DOCK3: variants seen among roughly 807,000 people sequenced by gnomAD.
DOCK3 encodes the protein dedicator of cytokinesis protein 3.
Under a neutral mutation model 265.6 loss-of-function variants are expected in DOCK3, and 60 were observed. The ratio of observed to expected loss-of-function variants is 0.23; its 90% CI spans 0.18 to 0.28. DOCK3 has a LOEUF of 0.28. Among genes scored for constraint, DOCK3 ranks in the 10% least tolerant of loss-of-function variants. DOCK3 has a pLI of 1.00. For missense variants in DOCK3, 1,981 were observed against 2,594.3 expected (o/e 0.76, Z 5.14); for synonymous variants, 881 against 938.0 (o/e 0.94, Z 1.11).
At chr3:50,807,972 A>T (rs2043529463) in intron 2 of DOCK3, among the ~76,000 whole-genome samples, 1 of 152,228 alleles carries the variant, frequency 6.6e-6, no homozygotes, top group Non-Finnish European at 1.5e-5. Flanking sequence ...GCTGGTCTCA[A>T]GCAGTCCTCC....
At chr3:51,363,886 T>C (rs1031118483) in intron 49 of DOCK3, among the ~76,000 whole-genome samples, 1 of 152,242 alleles carries the variant, frequency 6.6e-6, no homozygotes, top group African/African-American at 2.4e-5. Flanking sequence ...CAGTCTGTCA[T>C]TGATGGACAC....
intron 9 of DOCK3, among the ~76,000 whole-genome samples, chr3:51,091,543 C>T (rs551845854): frequency 2.6e-4 from 39 of 152,004 alleles, no homozygotes; most frequent in African/African-American, 8.2e-4. Flanking sequence ...ATTAGCTGGG[C>T]GTGGTGGCGG....
chr3:50,970,891 T>TTATATATATA (rs55749209), intron 5 of DOCK3, among the ~76,000 whole-genome samples: 4 of 12,156 alleles, frequency 3.3e-4, no homozygotes, highest in Non-Finnish European at 5.3e-4. Flanking sequence ...CATCTAATTT[T>TTATATATATA]TATATATATA....
chr3:50,782,880 C>T (rs986939539), intron 2 of DOCK3, among the ~76,000 whole-genome samples: 1 of 151,530 alleles, frequency 6.6e-6, no homozygotes, highest in African/African-American at 2.4e-5. Context: ...TAAGTGAGAA[C>T]ATATGATGTT....
At chr3:50,767,885 T>C (rs2041003173) in intron 1 of DOCK3, among the ~76,000 whole-genome samples, 1 of 135,970 alleles carries the variant, frequency 7.4e-6, no homozygotes, top group African/African-American at 2.8e-5. Context: ...GAAGCAGTTG[T>C]GAATGGGAGT....
intron 5 of DOCK3, among the ~76,000 whole-genome samples, chr3:50,975,927 C>T (rs1302445139): frequency 1.9e-4 from 29 of 149,664 alleles, no homozygotes; most frequent in Admixed American, 1.1e-3. Flanking sequence ...AGTTTATTTG[C>T]GTAGAGGTGT....
intron 5 of DOCK3, among the ~76,000 whole-genome samples, chr3:50,993,120 C>T (rs899805543): frequency 5.3e-5 from 8 of 152,140 alleles, no homozygotes; most frequent in African/African-American, 1.7e-4. Context: ...TCTAGTTCTC[C>T]TATCTCTGGA....
chr3:50,701,268 C>T (rs944957582), intron 1 of DOCK3, among the ~76,000 whole-genome samples: 4 of 151,990 alleles, frequency 2.6e-5, no homozygotes, highest in African/African-American at 9.7e-5. Flanking sequence ...CAGGTCCACG[C>T]CACCACACCC....
intron 5 of DOCK3, among the ~76,000 whole-genome samples, chr3:51,012,062 T>G (rs1315176128): frequency 6.6e-6 from 1 of 152,198 alleles, no homozygotes; most frequent in Non-Finnish European, 1.5e-5. Flanking sequence ...GTTAGGCTAC[T>G]CGGGGGTCAG....
chr3:51,040,920 C>T (rs2080454768), intron 5 of DOCK3, among the ~76,000 whole-genome samples: 1 of 151,664 alleles, frequency 6.6e-6, no homozygotes, highest in Non-Finnish European at 1.5e-5. Context: ...AGTTTTCTTG[C>T]TAATTCTACC....
At position 51,361,731 on chromosome 3, in the gene DOCK3, T is replaced by TTCCCCTTACCCATG; in HGVS notation, c.5007-128_5007-127insTCCCCTTACCCATG. Reference sequence around the variant, plus strand: ...CCAGGCCTCAGATGGGTATGAGCATTGACTATGGAACCCTCCAAACCGGTG... The same window carrying TTCCCCTTACCCATG: ...CCAGGCCTCAGATGGGTATGAGCATTTCCCCTTACCCATGGACTATGGAACCCTCCAAACCGGTG... On this transcript the variant is annotated intron_variant, in intron 47 of 52. Coordinates refer to ENST00000266037, the MANE Select transcript of DOCK3 (RefSeq NM_004947.5). The surrounding 1 kb of genome is among the most constrained non-coding windows in gnomAD (Gnocchi z 4.2). 1 of 1,292,024 alleles carries TTCCCCTTACCCATG rather than the reference T, an allele frequency of 7.7e-7. No individual in the cohort carries two copies. The allele number at this position is 1,292,024 out of a possible 1,614,324, so 80.0% of individuals were successfully genotyped here.
At chr3:50,708,879 G>A (rs1207587035) in intron 1 of DOCK3, among the ~76,000 whole-genome samples, 1 of 152,206 alleles carries the variant, frequency 6.6e-6, no homozygotes, top group African/African-American at 2.4e-5. Context: ...TAGAAGCTCT[G>A]TTTGATGTGT....
chr3:50,767,416 A>G lies in DOCK3; in HGVS notation c.38-11259A>G, dbSNP rs565811997. Among the ~76,000 whole-genome samples, 94 of 152,266 alleles carry G rather than the reference A, an allele frequency of 6.2e-4. 1 individual carries two copies. The highest frequency in any genetic ancestry group is 1.1e-3 in the Non-Finnish European group (78 of 68,014). ...CTTGTTTTTGTTAGGTTTCTCAAAG[A>G]TCAGATGGTTATAGATGTGTGGTAT... is the stretch of plus-strand genomic sequence containing the variant. On this transcript the variant is annotated intron_variant, in intron 1 of 52. Transcript: ENST00000266037.
intron 20 of DOCK3, among the ~76,000 whole-genome samples, chr3:51,236,875 A>C (rs2078370929): frequency 6.6e-6 from 1 of 152,226 alleles, no homozygotes; most frequent in Non-Finnish European, 1.5e-5. Context: ...GAGTCTCAGA[A>C]GGTTGGTTAA....
chr3:50,796,166 G>A (rs1327464660), intron 2 of DOCK3, among the ~76,000 whole-genome samples: 10 of 140,822 alleles, frequency 7.1e-5, no homozygotes, highest in East Asian at 2.2e-4. Context: ...TCAGCCTCCC[G>A]AGTAGCTGGG....
chr3:51,351,805 C>T (rs907366442), intron 40 of DOCK3, among the ~76,000 whole-genome samples: 1 of 152,026 alleles, frequency 6.6e-6, no homozygotes, highest in Non-Finnish European at 1.5e-5. Flanking sequence ...TACAGGCATG[C>T]GCCACCATGC....
At chr3:50,676,925 C>T (rs1006294373) in intron 1 of DOCK3, among the ~76,000 whole-genome samples, 2 of 152,126 alleles carry the variant, frequency 1.3e-5, no homozygotes, top group Non-Finnish European at 2.9e-5. Context: ...CTTCTTTTCC[C>T]TTAGTATTTA....
chr3:50,835,952 A>G (rs1462658155), intron 2 of DOCK3, among the ~76,000 whole-genome samples: 1 of 152,168 alleles, frequency 6.6e-6, no homozygotes, highest in Non-Finnish European at 1.5e-5. Flanking sequence ...CCAAACATGC[A>G]AAGAGCCAAG....
intron 1 of DOCK3, among the ~76,000 whole-genome samples, chr3:50,746,064 ACAGTCT>A (rs1319104772): frequency 6.6e-6 from 1 of 150,770 alleles, no homozygotes; most frequent in Non-Finnish European, 1.5e-5. Context: ...CATTCTTTTT[ACAGTCT>A]CATTCAAAGA....
Sources: gnomAD v4.1 joint callset for allele counts (sites outside exome capture counted in the v4.1 genomes callset) on GRCh38, gnomAD v4.1.1 for gene constraint, Gnocchi (gnomAD v3.1) non-coding constraint, MANE v1.5 for transcripts, NCBI Gene and HGNC (gene_info 2026-07-23, HGNC 2026-07-21) for gene names.